MED12L: variants seen among roughly 807,000 people sequenced by gnomAD.
The protein encoded by MED12L is mediator complex subunit 12L, also known as mediator of RNA polymerase II transcription subunit 12-like protein.
In MED12L, 60 loss-of-function variants were observed where a neutral mutation model predicts 281.3. The observed-to-expected ratio is 0.21, with a 90% CI of 0.17 to 0.26. The LOEUF is 0.26. Ranked by LOEUF, MED12L falls within the 10% of genes least tolerant of loss-of-function variation. The pLI is 1.00. For missense variants in MED12L, 2,146 were observed against 2,680.9 expected, an observed-to-expected ratio of 0.80 and a Z score of 4.41; for synonymous variants, 974 against 987.2, an observed-to-expected ratio of 0.99 and a Z score of 0.25.
chr3:151,175,486 C>G (rs73155794), intron 11 of MED12L, among the ~76,000 whole-genome samples: 4,623 of 151,990 alleles, frequency 0.03, 101 homozygotes, highest in Non-Finnish European at 0.045. Flanking sequence ...TTTTTTTCCC[C>G]CACTCCTTTT....
chr3:151,421,169 TG>T (rs1194054566), intron 43 of MED12L, among the ~76,000 whole-genome samples: 1 of 152,134 alleles, frequency 6.6e-6, no homozygotes, highest in Non-Finnish European at 1.5e-5. Flanking sequence ...CATTGAGGAA[TG>T]ACAGTGGTGG....
chr3:151,247,425 A>G (rs977779318), intron 16 of MED12L, among the ~76,000 whole-genome samples: 143 of 152,150 alleles, frequency 9.4e-4, no homozygotes, highest in African/African-American at 3.4e-3. Flanking sequence ...ATGGAATACT[A>G]TGCAGCCATA....
At chr3:151,134,895 G>T (rs768285896) in intron 5 of MED12L, among the ~76,000 whole-genome samples, 4 of 152,116 alleles carry the variant, frequency 2.6e-5, no homozygotes, top group Non-Finnish European at 5.9e-5. Context: ...TTGTTTGCCA[G>T]AGTGAGATAT....
At chr3:151,397,664 T>C (rs17204515) in intron 39 of MED12L, among the ~76,000 whole-genome samples, 46,050 of 152,102 alleles carry the variant, frequency 0.3, 7,725 homozygotes, top group Non-Finnish European at 0.38. Context: ...ACAGTTTGCT[T>C]TTCTAGTGAG....
At chr3:151,230,872 C>G (rs6777432) in intron 16 of MED12L, among the ~76,000 whole-genome samples, 10,743 of 152,210 alleles carry the variant, frequency 0.071, 1,259 homozygotes, top group African/African-American at 0.24. Flanking sequence ...TTGGAACTCT[C>G]ACTAGCCACT....
intron 44 of MED12L, among the ~76,000 whole-genome samples, chr3:151,431,726 T>C: frequency 6.6e-6 from 1 of 152,192 alleles, no homozygotes; most frequent in East Asian, 1.9e-4. Flanking sequence ...GGGAAAGATA[T>C]CTACTCTTAG....
At chr3:151,338,637 T>A in intron 16 of MED12L, 1 of 1,613,924 alleles carries the variant, frequency 6.2e-7, no homozygotes, top group Non-Finnish European at 8.5e-7. Context: ...CATGAGAAGA[T>A]CAGAAATGAC....
intron 16 of MED12L, chr3:151,328,669 C>A (rs1005001415): frequency 1.5e-5 from 24 of 1,613,588 alleles, no homozygotes; most frequent in Non-Finnish European, 1.9e-5. Context: ...GCACGATGCC[C>A]ACATACATGG....
chr3:151,291,196 A>C (rs1304285511), intron 16 of MED12L, among the ~76,000 whole-genome samples: 2 of 143,596 alleles, frequency 1.4e-5, no homozygotes, highest in African/African-American at 2.6e-5. Context: ...AGTATGTCAC[A>C]TTTCCTTATG....
intron 16 of MED12L, among the ~76,000 whole-genome samples, chr3:151,225,755 C>CT (rs1730363019): frequency 6.6e-6 from 1 of 152,104 alleles, no homozygotes; most frequent in Admixed American, 6.5e-5. Context: ...CACCCCCTAT[C>CT]TTTTTTCATT....
chr3:151,247,059 G>T (rs1000709801), intron 16 of MED12L, among the ~76,000 whole-genome samples: 9 of 152,126 alleles, frequency 5.9e-5, no homozygotes, highest in Admixed American at 3.3e-4. Context: ...AAAACCACAA[G>T]AAGATACCAT....
At chr3:151,398,066 C>T (rs919716111) in intron 39 of MED12L, among the ~76,000 whole-genome samples, 5 of 152,146 alleles carry the variant, frequency 3.3e-5, no homozygotes, top group African/African-American at 1.2e-4. Context: ...GCTAAGCACA[C>T]GGTACAATCT....
chr3:151,253,995 TC>T (rs1184478017), intron 16 of MED12L, among the ~76,000 whole-genome samples: 1 of 114,160 alleles, frequency 8.8e-6, no homozygotes, highest in East Asian at 2.2e-4. Flanking sequence ...TTTGATTTTT[TC>T]TTGTTTTTTT....
chr3:151,340,565 A>C (rs1751685085), intron 16 of MED12L: 1 of 152,600 alleles, frequency 6.6e-6, no homozygotes, highest in South Asian at 2.1e-4. Context: ...AAATACATAT[A>C]TTTGTCAAGT....
At chr3:151,257,254 C>T (rs1737991166) in intron 16 of MED12L, among the ~76,000 whole-genome samples, 1 of 152,178 alleles carries the variant, frequency 6.6e-6, no homozygotes, top group African/African-American at 2.4e-5. Flanking sequence ...TTACTGTATG[C>T]CAGTTGGCAT....
intron 16 of MED12L, among the ~76,000 whole-genome samples, chr3:151,263,914 C>A (rs543700196): frequency 6.6e-6 from 1 of 152,282 alleles, no homozygotes; most frequent in Admixed American, 6.5e-5. Context: ...GTGGCACAGC[C>A]TTCAGTTAAT....
chr3:151,409,383 T>C (rs933551215), intron 40 of MED12L, 51 bp downstream of exon 40: 1 of 1,537,736 alleles, frequency 6.5e-7, no homozygotes, highest in Non-Finnish European at 9.0e-7. Context: ...AGCTCTTTAT[T>C]GGAGGTGGGA....
intron 11 of MED12L, among the ~76,000 whole-genome samples, chr3:151,170,304 C>T (rs1721269495): frequency 7.1e-6 from 1 of 140,076 alleles, no homozygotes; most frequent in Admixed American, 7.6e-5. Flanking sequence ...GAGATGGAGT[C>T]TTGCTCTGTC....
At chr3:151,278,561 C>T (rs1742284083) in intron 16 of MED12L, 1 of 152,202 alleles carries the variant, frequency 6.6e-6, no homozygotes, top group South Asian at 2.1e-4. Context: ...TCCTTTCCTC[C>T]AGTAATGCAA....
Sources: allele counts gnomAD v4.1 joint callset (sites outside exome capture counted in the v4.1 genomes callset), GRCh38; gene constraint gnomAD v4.1.1; transcripts MANE v1.5; gene names NCBI Gene and HGNC (gene_info 2026-07-23, HGNC 2026-07-21).